The following CELF2 variants were observed in gnomAD, a reference collection of about 807,000 sequenced individuals.
CELF2 encodes the protein CUG triplet repeat RNA-binding protein 2.
A neutral mutation model predicts 62.6 loss-of-function variants in CELF2; 8 were observed. The observed-to-expected ratio is 0.13, with a 90% confidence interval of 0.07 to 0.23. The LOEUF (loss-of-function observed/expected upper bound fraction) is 0.23, where lower values mean the gene tolerates loss of function less well. Among genes scored for constraint, CELF2 ranks in the 10% least tolerant of loss-of-function variants. The probability of loss-of-function intolerance (pLI) is 1.00; values close to 1 mark genes in which losing one functional copy is unlikely to be tolerated. For synonymous variants in CELF2, 258 were observed against 250.0 expected (o/e 1.03, Z -0.30); for missense variants, 333 against 671.0 (o/e 0.50, Z 5.56).
the CELF2 span, among the ~76,000 whole-genome samples, chr10:10,616,563 G>T: frequency 2.3e-4 from 35 of 151,762 alleles, no homozygotes; most frequent in South Asian, 6.9e-3. Context: ...TGCTGTGTGG[G>T]TCTTGGCATT....
intron 2 of CELF2, among the ~76,000 whole-genome samples, chr10:11,189,817 C>T (rs908078998): frequency 6.6e-6 from 1 of 152,222 alleles, no homozygotes; most frequent in African/African-American, 2.4e-5. Flanking sequence ...CGATGGTATG[C>T]AAACCTTTAG....
At chr10:11,141,988 C>T (rs2061423107) in intron 1 of CELF2, among the ~76,000 whole-genome samples, 1 of 152,154 alleles carries the variant, frequency 6.6e-6, no homozygotes, top group South Asian at 2.1e-4. Context: ...ATGAAGATAA[C>T]GACTGCAAAC....
intron 1 of CELF2, among the ~76,000 whole-genome samples, chr10:11,061,081 C>T (rs1173784395): frequency 7.2e-5 from 11 of 152,204 alleles, no homozygotes; most frequent in African/African-American, 2.4e-4. Context: ...GAGAAAGGCA[C>T]GTCAAAAGCT....
the CELF2 span, among the ~76,000 whole-genome samples, chr10:10,762,422 G>A: frequency 2.0e-5 from 3 of 152,310 alleles, no homozygotes; most frequent in South Asian, 4.1e-4. Flanking sequence ...AGGTGAAGAA[G>A]TAGAGATATA....
rs34163796 is a variant in CELF2, at chr10:10,913,379, C to CTTTTT, written c.54-6561_54-6557dup. On this transcript the variant is annotated intron_variant, in intron 1 of 13. Coordinates refer to the CELF2 transcript ENST00000636488. Reference sequence around the variant, plus strand: ...AATATATATGCCTTTGTAATGATGTCTTTTTTTTTTTTTTTTTTTTTTTTT... The same window carrying CTTTTT: ...AATATATATGCCTTTGTAATGATGTCTTTTTTTTTTTTTTTTTTTTTTTTTTTTTT... Among the ~76,000 whole-genome samples the CTTTTT allele has an allele frequency of 3.3e-4, 19 of 57,360 alleles. 2 individuals are homozygous for CTTTTT. The highest frequency in any genetic ancestry group is 4.8e-4 in the African/African-American group (6 of 12,538). 37.6% of individuals were successfully genotyped at this position (57,360 alleles called of 152,430 possible).
At chr10:11,187,196 T>C (rs1227118351) in intron 2 of CELF2, among the ~76,000 whole-genome samples, 1 of 152,220 alleles carries the variant, frequency 6.6e-6, no homozygotes, top group African/African-American at 2.4e-5. Flanking sequence ...TTTTGCCTTA[T>C]GTATTTTGAA....
chr10:11,100,316 G>A (rs548731586), intron 1 of CELF2, among the ~76,000 whole-genome samples: 2 of 152,222 alleles, frequency 1.3e-5, no homozygotes, highest in East Asian at 3.9e-4. Flanking sequence ...GATGCTAATT[G>A]TAGAAAATCC....
intron 4 of CELF2, among the ~76,000 whole-genome samples, chr10:11,257,017 T>G (rs955014945): frequency 1.3e-5 from 2 of 152,036 alleles, no homozygotes; most frequent in African/African-American, 2.4e-5. Flanking sequence ...AGCCGCCCTG[T>G]TCTCCTCTCT....
At chr10:10,851,907 G>T (rs1248192302) in intron 1 of CELF2, among the ~76,000 whole-genome samples, 1 of 152,174 alleles carries the variant, frequency 6.6e-6, no homozygotes, top group Non-Finnish European at 1.5e-5. Flanking sequence ...ACCTGTTCCT[G>T]CACACCTATT....
the CELF2 span, among the ~76,000 whole-genome samples, chr10:10,469,140 A>G: frequency 3.3e-5 from 5 of 151,952 alleles, no homozygotes; most frequent in African/African-American, 1.2e-4. Flanking sequence ...GCTATAATAT[A>G]CAAATATTAT....
At chr10:10,741,220 T>TA in the CELF2 span, among the ~76,000 whole-genome samples, 3 of 151,550 alleles carry the variant, frequency 2.0e-5, no homozygotes, top group Non-Finnish European at 2.9e-5. Context: ...ATCAACTTTG[T>TA]AAAAAAAACA....
At chr10:11,262,880 A>G (rs188235149) in intron 5 of CELF2, among the ~76,000 whole-genome samples, 2 of 151,678 alleles carry the variant, frequency 1.3e-5, no homozygotes, top group Admixed American at 1.3e-4. Flanking sequence ...CCTTTTTCAA[A>G]GAAGTAACAA....
rs532846777 is a variant in CELF2, at chr10:11,242,970, G to A, written c.355-6183G>A. The stretch of plus-strand genomic sequence containing the variant: ...GGTGCTGGGTCAGAACCAAACCACT[G>A]CGTGCTGTCGTGGGTGCAGAAGCTT... On this transcript the variant is annotated intron_variant, in intron 3 of 12. Coordinates refer to ENST00000633077, the MANE Select transcript of CELF2 (RefSeq NM_001326342.2). This position sits in a 1 kb window ranked among gnomAD's most constrained non-coding sequence, Gnocchi z 4.8. 3.4e-4 allele frequency among the ~76,000 whole-genome samples: 52 copies of A among 152,292 alleles called. No homozygotes were observed. Among genetic ancestry groups the A allele is most frequent in the African/African-American group, 1.1e-3 (47 of 41,550 alleles).
At chr10:10,690,302 C>A in the CELF2 span, among the ~76,000 whole-genome samples, 1 of 152,178 alleles carries the variant, frequency 6.6e-6, no homozygotes, top group African/African-American at 2.4e-5. Flanking sequence ...ACTGTAGCTT[C>A]CTTGAGTTAG....
rs972784894 is a variant in CELF2, at chr10:11,159,620, A to G, written c.75-5866A>G. ...GCCCCACTGCCAGTCTGTTGGGAAG[A>G]GATTTCTCTTCTTAAATAATGGCAA... On this transcript the variant is annotated intron_variant, in intron 1 of 12. Transcript: ENST00000633077. This position sits in a 1 kb window ranked among gnomAD's most constrained non-coding sequence, Gnocchi z 5.0. 6.6e-5 allele frequency among the ~76,000 whole-genome samples: 10 copies of G among 152,184 alleles called. No homozygotes were observed. The highest frequency in any genetic ancestry group is 1.3e-4 in the Non-Finnish European group (9 of 68,040).
chr10:11,319,006 C>T lies in CELF2; in HGVS notation c.1097-2183C>T, dbSNP rs2095260964. 1 of 471,048 alleles carries T rather than the reference C, an allele frequency of 2.1e-6. No individual in the cohort carries two copies. The highest frequency in any genetic ancestry group is 6.9e-5 in the East Asian group (1 of 14,402). The allele number at this position is 471,048 out of a possible 1,614,324, so 29.2% of individuals were successfully genotyped here. A position where few individuals can be genotyped will look rare whatever the true frequency, so the allele number is the denominator to read the frequency against. On this transcript the variant is annotated intron_variant, in intron 10 of 12. Coordinates refer to ENST00000633077, the MANE Select transcript of CELF2 (RefSeq NM_001326342.2). This position sits in a 1 kb window ranked among gnomAD's most constrained non-coding sequence, Gnocchi z 4.4. ...GCGTCCACTGGAGACGAGCTGCTGT[C>T]TTCAGCCCGTCCTCGTCTGGCAGCA...
At chr10:10,795,634 T>C (rs2054097606), upstream of CELF2, among the ~76,000 whole-genome samples, 2 of 152,152 alleles carry the variant, frequency 1.3e-5, no homozygotes, top group Non-Finnish European at 2.9e-5. Flanking sequence ...GTGTGATCCA[T>C]TGAAATCAGG....
the CELF2 span, among the ~76,000 whole-genome samples, chr10:10,470,865 G>A: frequency 6.6e-6 from 1 of 150,886 alleles, no homozygotes; most frequent in African/African-American, 2.4e-5. Flanking sequence ...TCTACCTTCT[G>A]TGGTAGAAAC....
the CELF2 span, among the ~76,000 whole-genome samples, chr10:10,586,838 G>A: frequency 6.6e-6 from 1 of 152,148 alleles, no homozygotes; most frequent in Non-Finnish European, 1.5e-5. Flanking sequence ...CGTTTTCCTG[G>A]TGGTTCTTAC....
Sources: allele counts gnomAD v4.1 joint callset (sites outside exome capture counted in the v4.1 genomes callset), GRCh38; gene constraint gnomAD v4.1.1; non-coding constraint Gnocchi (gnomAD v3.1); transcripts MANE v1.5; gene names NCBI Gene and HGNC (gene_info 2026-07-23, HGNC 2026-07-21).